Variants in EPHB2 observed in about 807,000 individuals in gnomAD.
EPHB2 encodes EPH receptor B2, also known as ephrin type-B receptor 2.
Under a neutral mutation model 96.4 loss-of-function variants are expected in EPHB2, and 18 were observed. The observed-to-expected ratio is 0.19, with a 90% CI of 0.13 to 0.28. The LOEUF (loss-of-function observed/expected upper bound fraction) is 0.28, where lower values mean the gene tolerates loss of function less well. Ranked by LOEUF, EPHB2 falls within the 10% of genes least tolerant of loss-of-function variation. The probability of loss-of-function intolerance (pLI) is 1.00; values close to 1 mark genes in which losing one functional copy is unlikely to be tolerated. For missense variants in EPHB2, 989 were observed against 1,355.4 expected, an observed-to-expected ratio of 0.73 and a Z score of 4.25; for synonymous variants, 506 against 534.1, an observed-to-expected ratio of 0.95 and a Z score of 0.72.
chr1:22,863,170 C>G lies in EPHB2; in HGVS notation c.945C>G (p.Asp315Glu), dbSNP rs752199354. Residue 315 changes from aspartate (D) to glutamate (E), a missense_variant, in exon 4 of 16, where the codon GAC (aspartate) becomes GAG (glutamate). Physicochemically the swap from Asp to Glu is conservative, Grantham distance 45. Transcript: ENST00000374630. ...CRNGYYRADL[D>E]PLDMPCTTIP... ...ATGGCTACTACAGAGCAGACCTGGACCCCCTGGACATGCCCTGCACAAGTA... is the reference window on the plus strand; with the variant it reads ...ATGGCTACTACAGAGCAGACCTGGAGCCCCTGGACATGCCCTGCACAAGTA... 3.7e-6 allele frequency: 6 copies of G among 1,614,208 alleles called. No homozygotes were observed. Among genetic ancestry groups the G allele is most frequent in the Admixed American group, 3.3e-5 (2 of 60,028 alleles).
chr1:22,910,611 C>T (rs761495723), intron 14 of EPHB2, 36 bp downstream of exon 14: 2 of 1,610,142 alleles, frequency 1.2e-6, no homozygotes, highest in Admixed American at 3.4e-5. Context: ...CAGCCAGGCC[C>T]TGCCCCTCTT....
chr1:22,782,022 G>T (rs1320944294), intron 2 of EPHB2, among the ~76,000 whole-genome samples: 1 of 152,002 alleles, frequency 6.6e-6, no homozygotes, highest in African/African-American at 2.4e-5. Flanking sequence ...ATAACACAAA[G>T]CTCCCCCTCC....
chr1:22,796,329 T>A (rs1246636625), intron 3 of EPHB2, among the ~76,000 whole-genome samples: 1 of 152,192 alleles, frequency 6.6e-6, no homozygotes, highest in African/African-American at 2.4e-5. Context: ...CTGGGACTGC[T>A]GCTCTTGCTG....
intron 6 of EPHB2, 191 bp downstream of exon 6, chr1:22,882,674 G>A (rs1219211554): frequency 2.2e-5 from 17 of 783,742 alleles, no homozygotes; most frequent in Non-Finnish European, 3.0e-5. Context: ...CCTCAGGCAG[G>A]TGCCTTGACC....
intron 14 of EPHB2, among the ~76,000 whole-genome samples, chr1:22,911,837 T>G (rs1290158154): frequency 6.6e-6 from 1 of 152,188 alleles, no homozygotes; most frequent in African/African-American, 2.4e-5. Flanking sequence ...CTCCTCACCA[T>G]GACCCTGTGT....
At chr1:22,826,309 C>T (rs1645223296) in intron 3 of EPHB2, among the ~76,000 whole-genome samples, 2 of 152,222 alleles carry the variant, frequency 1.3e-5, no homozygotes, top group South Asian at 4.1e-4. Context: ...TTTGGCATTT[C>T]CTTGTAGTAC....
At chr1:22,745,251 G>T (rs1010399945) in intron 1 of EPHB2, among the ~76,000 whole-genome samples, 1 of 152,188 alleles carries the variant, frequency 6.6e-6, no homozygotes, top group Non-Finnish European at 1.5e-5. Context: ...GGAATATGAC[G>T]CAGGAATAAA....
At chr1:22,721,474 G>T (rs946429293) in intron 1 of EPHB2, among the ~76,000 whole-genome samples, 2 of 152,144 alleles carry the variant, frequency 1.3e-5, no homozygotes, top group African/African-American at 4.8e-5. Context: ...GAGGTGACTT[G>T]ACTGTTGGAA....
chr1:22,868,249 G>C (rs111319675), intron 5 of EPHB2, among the ~76,000 whole-genome samples: 7 of 152,300 alleles, frequency 4.6e-5, no homozygotes, highest in African/African-American at 1.7e-4. Flanking sequence ...CCGGGGAATA[G>C]GCACACAGGG....
At position 22,913,567 on chromosome 1, in the gene EPHB2, T is replaced by C. The variant is rs751689951; in HGVS notation, c.2958T>C (p.Val986=). 2 of 1,614,136 alleles carry C rather than the reference T, an allele frequency of 1.2e-6. No homozygotes were observed. Among genetic ancestry groups the C allele is most frequent in the Admixed American group, 3.3e-5 (2 of 60,016 alleles). The part of the protein sequence containing the change: ...AQMNQIQSVE[V] Reference sequence around the variant, plus strand: ...TGAACCAGATTCAGTCTGTGGAGGTTTGACATTCACCTGCCTCGGCTCACC... The same window carrying C: ...TGAACCAGATTCAGTCTGTGGAGGTCTGACATTCACCTGCCTCGGCTCACC... Residue 986 remains valine, a synonymous_variant, in exon 16 of 16, where the codon GTT becomes GTC. Coordinates refer to ENST00000374630, the MANE Select transcript of EPHB2 (RefSeq NM_017449.5). This position sits in a 1 kb window ranked among gnomAD's most constrained non-coding sequence, Gnocchi z 4.1.
At chr1:22,862,922 G>A in intron 3 of EPHB2, 115 bp from the exon 4 acceptor site, 1 of 1,339,744 alleles carries the variant, frequency 7.5e-7, no homozygotes, top group South Asian at 1.2e-5. Flanking sequence ...TTCCAGCAGT[G>A]GTGCTGCATG....
chr1:22,862,934 C>A, intron 3 of EPHB2, 103 bp from the exon 4 acceptor site: 1 of 1,447,698 alleles, frequency 6.9e-7, no homozygotes, highest in Non-Finnish European at 9.7e-7. Context: ...TGCTGCATGG[C>A]CCCTCCGCGA....
chr1:22,747,953 G>A (rs1644000992), intron 1 of EPHB2, among the ~76,000 whole-genome samples: 1 of 152,192 alleles, frequency 6.6e-6, no homozygotes, highest in African/African-American at 2.4e-5. Flanking sequence ...GTGGAGCTGT[G>A]TGAAGCCAGT....
At position 22,784,951 on chromosome 1, in the gene EPHB2, A is replaced by G. The variant is rs200990235; in HGVS notation, c.686A>G (p.Asn229Ser). 2.5e-5 allele frequency: 41 copies of G among 1,613,942 alleles called. No individual in the cohort carries two copies. In the East Asian group the frequency reaches 3.3e-4, roughly 13 times the overall value. ...LVAARGSCIA[N>S]AEEVDVPIKL... ...GCTGCCCGGGGCAGCTGCATCGCCA[A>G]TGCGGAAGAGGTGGATGTACCCATC... Residue 229 changes from asparagine (N) to serine (S), a missense_variant, in exon 3 of 16, where the codon AAT (asparagine) becomes AGT (serine). By Grantham distance (46) the Asn-to-Ser change is conservative. Coordinates refer to ENST00000374630, the MANE Select transcript of EPHB2 (RefSeq NM_017449.5). This position sits in a 1 kb window ranked among gnomAD's most constrained non-coding sequence, Gnocchi z 5.1.
At chr1:22,746,643 C>G (rs1020820744) in intron 1 of EPHB2, among the ~76,000 whole-genome samples, 1 of 152,230 alleles carries the variant, frequency 6.6e-6, no homozygotes. Flanking sequence ...CTACTGTGGA[C>G]CGTGGACCAT....
chr1:22,909,405 C>T (rs1358058137), intron 13 of EPHB2, among the ~76,000 whole-genome samples: 1 of 152,256 alleles, frequency 6.6e-6, no homozygotes, highest in East Asian at 1.9e-4. Flanking sequence ...CACACATCAG[C>T]ACGTCTTCAG....
In EPHB2 at chr1:22,914,519, G is replaced by C. The variant is rs1640214890; in HGVS notation, c.*949G>C. ...TCACAGGGTGGTTTTGGTTTAGGGG[G>C]TTTGTTTGTTGGGTTGTTTTTTGTT... On this transcript the variant is annotated 3_prime_UTR_variant, in exon 16 of 16. Coordinates refer to ENST00000374630, the MANE Select transcript of EPHB2 (RefSeq NM_017449.5). 1 of 152,564 alleles carries C rather than the reference G, an allele frequency of 6.6e-6. No homozygotes were observed. The highest frequency in any genetic ancestry group is 1.5e-5 in the Non-Finnish European group (1 of 68,058). 9.5% of individuals were successfully genotyped at this position (152,564 alleles called of 1,614,324 possible). A position where few individuals can be genotyped will look rare whatever the true frequency, so the allele number is the denominator to read the frequency against.
At chr1:22,750,027 C>G (rs751694312) in intron 1 of EPHB2, among the ~76,000 whole-genome samples, 5 of 152,182 alleles carry the variant, frequency 3.3e-5, no homozygotes, top group African/African-American at 4.8e-5. Context: ...CCTGCATTAT[C>G]TCATTAATAA....
intron 4 of EPHB2, 27 bp from the exon 5 acceptor site, chr1:22,864,850 C>G: frequency 1.3e-6 from 2 of 1,538,534 alleles, no homozygotes; most frequent in East Asian, 2.2e-5. Context: ...GAGCCCCCCA[C>G]TGACCAACAC....
Sources: gnomAD v4.1 joint callset for allele counts (sites outside exome capture counted in the v4.1 genomes callset) on GRCh38, gnomAD v4.1.1 for gene constraint, Gnocchi (gnomAD v3.1) non-coding constraint, MANE v1.5 for transcripts, NCBI Gene and HGNC (gene_info 2026-07-23, HGNC 2026-07-21) for gene names.